The following NRXN3 variants were observed in gnomAD, a reference collection of about 807,000 sequenced individuals.
NRXN3 encodes the protein neurexin III.
NRXN3 carries 32 observed loss-of-function variants against 137.6 expected under a neutral mutation model. The ratio of observed to expected loss-of-function variants is 0.23; its 90% CI spans 0.18 to 0.31. The LOEUF is 0.31. Ranked by LOEUF, NRXN3 falls within the 10% of genes least tolerant of loss-of-function variation. The pLI, the probability that NRXN3 is intolerant of heterozygous loss-of-function variation, is 1.00. For synonymous variants in NRXN3, 798 were observed against 784.5 expected (o/e 1.02, Z -0.29); for missense variants, 1,574 against 2,062.5 (o/e 0.76, Z 4.59).
chr14:79,547,202 T>C (rs903180952), intron 16 of NRXN3, among the ~76,000 whole-genome samples: 2 of 152,188 alleles, frequency 1.3e-5, no homozygotes, highest in Non-Finnish European at 2.9e-5. Context: ...GATCGGGTGC[T>C]CTTATAAAAC....
intron 8 of NRXN3, among the ~76,000 whole-genome samples, chr14:78,757,299 A>G (rs2098673118): frequency 6.6e-6 from 1 of 151,808 alleles, no homozygotes; most frequent in African/African-American, 2.4e-5. Context: ...AGTCCCAGCT[A>G]CTCAGGAGGC....
chr14:79,195,725 C>G (rs1253809462), intron 15 of NRXN3, among the ~76,000 whole-genome samples: 1 of 152,122 alleles, frequency 6.6e-6, no homozygotes, highest in Non-Finnish European at 1.5e-5. Flanking sequence ...CCCATGAAAA[C>G]AGAAGTGATT....
chr14:78,517,102 G>A (rs1327421767), intron 4 of NRXN3, among the ~76,000 whole-genome samples: 2 of 152,118 alleles, frequency 1.3e-5, no homozygotes, highest in African/African-American at 4.8e-5. Context: ...TTTAGGCCAT[G>A]TCCAAATCAT....
chr14:79,831,411 G>A (rs2099323119), intron 20 of NRXN3, among the ~76,000 whole-genome samples: 1 of 152,180 alleles, frequency 6.6e-6, no homozygotes, highest in Admixed American at 6.5e-5. Context: ...GCTTCCTCTG[G>A]TTAGACAAAG....
intron 15 of NRXN3, among the ~76,000 whole-genome samples, chr14:79,233,384 A>C (rs1387876578): frequency 6.6e-6 from 1 of 152,138 alleles, no homozygotes; most frequent in Non-Finnish European, 1.5e-5. Context: ...GTTCATTCAC[A>C]TGCACTCCAG....
chr14:78,275,401 CATG>C (rs2073430817), intron 2 of NRXN3, among the ~76,000 whole-genome samples: 1 of 152,140 alleles, frequency 6.6e-6, no homozygotes, highest in Non-Finnish European at 1.5e-5. Context: ...TCCATTTATA[CATG>C]ATAAGTTTGA....
chr14:78,852,302 A>G (rs1487123526), intron 10 of NRXN3, among the ~76,000 whole-genome samples: 3 of 152,192 alleles, frequency 2.0e-5, no homozygotes, highest in Non-Finnish European at 1.5e-5. Flanking sequence ...TTCCTGGTAG[A>G]GAGTGGTTTA....
chr14:79,379,429 G>A (rs1838499325), intron 15 of NRXN3, among the ~76,000 whole-genome samples: 1 of 152,106 alleles, frequency 6.6e-6, no homozygotes, highest in Non-Finnish European at 1.5e-5. Context: ...GTGAGGCCTG[G>A]TTTCCTGGGG....
intron 1 of NRXN3, among the ~76,000 whole-genome samples, chr14:78,203,409 G>T (rs933202539): frequency 6.6e-5 from 10 of 152,190 alleles, no homozygotes; most frequent in African/African-American, 2.4e-4. Context: ...TATGGCACTG[G>T]CTCCCAGGTA....
chr14:79,152,736 C>T (rs1239931543), intron 15 of NRXN3, among the ~76,000 whole-genome samples: 3 of 152,004 alleles, frequency 2.0e-5, no homozygotes, highest in Admixed American at 1.3e-4. Flanking sequence ...AGTTATCTCA[C>T]CCTGACCCCA....
chr14:78,914,057 T>C (rs928667720), intron 10 of NRXN3, among the ~76,000 whole-genome samples: 1 of 152,166 alleles, frequency 6.6e-6, no homozygotes, highest in African/African-American at 2.4e-5. Flanking sequence ...TTGGACATCT[T>C]TGGATTTGTG....
At chr14:79,403,519 C>T (rs1455819150) in intron 15 of NRXN3, among the ~76,000 whole-genome samples, 1 of 152,142 alleles carries the variant, frequency 6.6e-6, no homozygotes, top group Non-Finnish European at 1.5e-5. Flanking sequence ...TTTTCTGCTT[C>T]TATTTCAAAA....
At chr14:78,260,997 G>A (rs575178625) in intron 2 of NRXN3, among the ~76,000 whole-genome samples, 6 of 152,250 alleles carry the variant, frequency 3.9e-5, no homozygotes, top group East Asian at 1.9e-4. Context: ...TCTCCCAATC[G>A]CTTCCACCCA....
intron 10 of NRXN3, among the ~76,000 whole-genome samples, chr14:78,837,561 T>C (rs935603501): frequency 2.0e-5 from 3 of 152,102 alleles, no homozygotes; most frequent in Admixed American, 6.5e-5. Flanking sequence ...TACTTTTCTC[T>C]GATCCTTTTG....
chr14:79,548,747 TA>T (rs35900297), intron 16 of NRXN3, among the ~76,000 whole-genome samples: 97,312 of 141,836 alleles, frequency 0.69, 34,122 homozygotes, highest in Non-Finnish European at 0.78. Flanking sequence ...ATTTAAAGAT[TA>T]AAAAAAAAAA....
chr14:78,607,498 T>C (rs1218995242), intron 4 of NRXN3, among the ~76,000 whole-genome samples: 1 of 152,184 alleles, frequency 6.6e-6, no homozygotes, highest in Non-Finnish European at 1.5e-5. Flanking sequence ...GGCCCAGCTA[T>C]GAGTCTGGAA....
chr14:78,422,386 C>T (rs1169544645), intron 4 of NRXN3, among the ~76,000 whole-genome samples: 2 of 152,196 alleles, frequency 1.3e-5, no homozygotes, highest in Admixed American at 1.3e-4. Context: ...GAACATCCCT[C>T]CATTACTGGC....
intron 8 of NRXN3, among the ~76,000 whole-genome samples, chr14:78,764,220 C>G (rs2152983084): frequency 6.6e-6 from 1 of 152,330 alleles, no homozygotes; most frequent in South Asian, 2.1e-4. Flanking sequence ...AGCCAAACAT[C>G]AACTTCCAAA....
chr14:78,389,108 T>C (rs751913258), intron 4 of NRXN3, among the ~76,000 whole-genome samples: 8 of 150,790 alleles, frequency 5.3e-5, no homozygotes, highest in Non-Finnish European at 1.2e-4. Context: ...CAGGCTGGAG[T>C]GCAGTGACAC....
Sources: allele counts gnomAD v4.1 joint callset (sites outside exome capture counted in the v4.1 genomes callset), GRCh38; gene constraint gnomAD v4.1.1; transcripts MANE v1.5; gene names NCBI Gene and HGNC (gene_info 2026-07-23, HGNC 2026-07-21).